MAST4: variants seen among roughly 807,000 people sequenced by gnomAD.
MAST4 encodes the protein microtubule-associated serine/threonine-protein kinase 4.
A neutral mutation model predicts 162.7 loss-of-function variants in MAST4; 89 were observed. The ratio of observed to expected loss-of-function variants is 0.55; its 90% CI spans 0.46 to 0.65. The LOEUF (loss-of-function observed/expected upper bound fraction) is 0.65. Ranked by LOEUF, MAST4 falls within the 30% of genes least tolerant of loss-of-function variation. The probability of loss-of-function intolerance (pLI) is 0.00; values close to 1 mark genes in which losing one functional copy is unlikely to be tolerated. For synonymous variants in MAST4, 1,479 were observed against 1,361.1 expected (o/e 1.09, Z -1.91); for missense variants, 3,153 against 3,374.0 (o/e 0.93, Z 1.62).
At chr5:67,073,396 A>G (rs569237990) in intron 5 of MAST4, among the ~76,000 whole-genome samples, 2 of 152,220 alleles carry the variant, frequency 1.3e-5, no homozygotes, top group Non-Finnish European at 2.9e-5. Flanking sequence ...TCTATATTCT[A>G]ACTGCAAGGA....
At chr5:66,737,458 G>C (rs1267193670) in intron 1 of MAST4, among the ~76,000 whole-genome samples, 1 of 152,192 alleles carries the variant, frequency 6.6e-6, no homozygotes, top group Admixed American at 6.5e-5. Context: ...ACTAAGTACA[G>C]CCTGCACTCA....
chr5:66,845,390 T>C (rs1343872815), intron 3 of MAST4, among the ~76,000 whole-genome samples: 1 of 151,870 alleles, frequency 6.6e-6, no homozygotes, highest in Non-Finnish European at 1.5e-5. Flanking sequence ...GTCCTTGCGA[T>C]AGTTTGCTCA....
At chr5:66,634,163 G>A (rs1209847003) in intron 1 of MAST4, among the ~76,000 whole-genome samples, 3 of 149,618 alleles carry the variant, frequency 2.0e-5, no homozygotes, top group Non-Finnish European at 4.4e-5. Context: ...GGGTTCAAGC[G>A]ATTCTCCTGC....
rs2151153920 is a variant in MAST4 at position 67,168,205 on chromosome 5, T to A, written c.*1154T>A. ...AATCAGGACATCAGATACATTTTAA[T>A]ACATAGCTGGGGCCTTATGTTGTAG... On this transcript the variant is annotated 3_prime_UTR_variant, in exon 29 of 29. Transcript: ENST00000403625. 6.6e-6 allele frequency: 1 copy of A among 152,250 alleles called. No individual in the cohort carries two copies. Among genetic ancestry groups the A allele is most frequent in the South Asian group, 2.1e-4 (1 of 4,820 alleles). 9.4% of individuals were successfully genotyped at this position (152,250 alleles called of 1,614,324 possible). A position where few individuals can be genotyped will look rare whatever the true frequency, so the allele number is the denominator to read the frequency against.
chr5:67,165,573 A>G lies in MAST4; in HGVS notation c.6394A>G (p.Ser2132Gly). The G allele has an allele frequency of 6.2e-7, 1 of 1,613,980 alleles. No individual in the cohort carries two copies. Among genetic ancestry groups the G allele is most frequent in the Non-Finnish European group, 8.5e-7 (1 of 1,179,872 alleles). The change falls in exon 29 of 29, where the codon AGC (serine) becomes GGC (glycine). Residue 2132 changes from serine (S) to glycine (G), a missense_variant. Ser to Gly is a moderately conservative substitution (Grantham distance 56). Transcript: ENST00000403625. ...GCAGCCTCTACAAAGGCATCCCAGC[A>G]GCATCCCTCCGCCCCCTCTGACGGC... is the stretch of plus-strand genomic sequence containing the variant. ...KEQPLQRHPSSIPPPPLTAKD... is the reference protein window; with the variant it reads ...KEQPLQRHPSGIPPPPLTAKD...
chr5:67,057,465 G>C (rs773325986), intron 5 of MAST4, among the ~76,000 whole-genome samples: 1 of 151,900 alleles, frequency 6.6e-6, no homozygotes, highest in African/African-American at 2.4e-5. Context: ...TTTGTGTAGG[G>C]GTGTCAGCAG....
At chr5:66,673,583 G>A (rs1432618896) in intron 1 of MAST4, among the ~76,000 whole-genome samples, 2 of 144,754 alleles carry the variant, frequency 1.4e-5, no homozygotes, top group East Asian at 2.1e-4. Flanking sequence ...CTGGAGTGAC[G>A]TGGCGCGATC....
At chr5:66,769,501 A>C (rs1251806617) in intron 2 of MAST4, among the ~76,000 whole-genome samples, 1 of 152,210 alleles carries the variant, frequency 6.6e-6, no homozygotes, top group African/African-American at 2.4e-5. Context: ...TGCAAACATC[A>C]TAGAGTATAC....
intron 4 of MAST4, among the ~76,000 whole-genome samples, chr5:66,917,834 T>C (rs1163483181): frequency 6.6e-6 from 1 of 152,128 alleles, no homozygotes; most frequent in Non-Finnish European, 1.5e-5. Flanking sequence ...CCTCCTTCAC[T>C]CTCCTTTTAC....
At chr5:66,666,180 A>G (rs1275113366) in intron 1 of MAST4, among the ~76,000 whole-genome samples, 2 of 152,188 alleles carry the variant, frequency 1.3e-5, no homozygotes, top group Admixed American at 6.5e-5. Flanking sequence ...ACATTTGCCA[A>G]GACCACGTTT....
intron 4 of MAST4, among the ~76,000 whole-genome samples, chr5:67,019,323 C>G (rs1028631978): frequency 6.6e-6 from 1 of 152,154 alleles, no homozygotes; most frequent in Admixed American, 6.5e-5. Context: ...AGTGAAGGGA[C>G]CCTGGATGGG....
intron 7 of MAST4, among the ~76,000 whole-genome samples, chr5:67,096,560 CA>C (rs1764488722): frequency 6.6e-6 from 1 of 152,148 alleles, no homozygotes; most frequent in South Asian, 2.1e-4. Flanking sequence ...CTCCATTAAG[CA>C]CATAGGTTTA....
intron 1 of MAST4, among the ~76,000 whole-genome samples, chr5:66,616,487 C>A (rs1349770842): frequency 6.6e-6 from 1 of 152,226 alleles, no homozygotes; most frequent in African/African-American, 2.4e-5. Context: ...GGCTGGACAT[C>A]TGGGGCAGGT....
intron 3 of MAST4, among the ~76,000 whole-genome samples, chr5:66,864,370 GA>G (rs377241472): frequency 1.2e-4 from 19 of 152,184 alleles, no homozygotes; most frequent in African/African-American, 4.6e-4. Flanking sequence ...AGAGGTTTGG[GA>G]ACAGCGCAAA....
At chr5:66,597,128 G>A in intron 1 of MAST4, 110 bp downstream of exon 1, 1 of 1,235,118 alleles carries the variant, frequency 8.1e-7, no homozygotes, top group Non-Finnish European at 1.0e-6. Context: ...TGGAGATAGG[G>A]AGGGACCCCA....
intron 3 of MAST4, among the ~76,000 whole-genome samples, chr5:66,852,739 C>G (rs186031157): frequency 7.2e-5 from 11 of 152,292 alleles, no homozygotes; most frequent in Middle Eastern, 3.4e-3. Flanking sequence ...GTTCTCGGAG[C>G]TCCATTGTGT....
In MAST4 at chr5:67,152,814, T is replaced by C; in HGVS notation, c.3473T>C (p.Ile1158Thr). ...AACTACGGCTTTACCATCCGAGCCA[T>C]CCGGGTGTATGTGGGAGACAGTGAC... Reference protein sequence around the residue: ...GKNYGFTIRAIRVYVGDSDIY... With the variant: ...GKNYGFTIRATRVYVGDSDIY... Residue 1158 changes from isoleucine to threonine, a missense_variant, in exon 25 of 29, where the codon ATC becomes ACC. This residue lies in a region of MAST4 where 619 missense variants were observed against 744.2 expected (regional missense o/e 0.83). Coordinates refer to ENST00000403625, the MANE Select transcript of MAST4 (RefSeq NM_001164664.2). The C allele has an allele frequency of 6.2e-7, 1 of 1,614,026 alleles. No homozygotes were observed.
At chr5:66,937,652 A>G (rs1315014576) in intron 4 of MAST4, among the ~76,000 whole-genome samples, 2 of 151,922 alleles carry the variant, frequency 1.3e-5, no homozygotes, top group Non-Finnish European at 2.9e-5. Flanking sequence ...TAGTACGTTC[A>G]TCTACTCATT....
At chr5:66,750,090 A>T (rs1753040725) in intron 1 of MAST4, among the ~76,000 whole-genome samples, 1 of 152,228 alleles carries the variant, frequency 6.6e-6, no homozygotes, top group South Asian at 2.1e-4. Context: ...TTTAATATCA[A>T]GAAACAGAAT....
Sources: allele counts gnomAD v4.1 joint callset (sites outside exome capture counted in the v4.1 genomes callset), GRCh38; gene constraint gnomAD v4.1.1; regional missense constraint gnomAD v4.1.1; transcripts MANE v1.5; gene names NCBI Gene and HGNC (gene_info 2026-07-23, HGNC 2026-07-21).